Variants in RCSD1 observed in about 807,000 individuals in gnomAD.
The protein encoded by RCSD1 is RCSD domain containing 1, also known as capZ-interacting protein.
A neutral mutation model predicts 42.5 loss-of-function variants in RCSD1; 26 were observed. That is an observed-to-expected ratio of 0.61 (90% CI 0.45 to 0.85). RCSD1 has a LOEUF of 0.85. Ranked by LOEUF, RCSD1 falls within the 40% of genes least tolerant of loss-of-function variation. The pLI is 0.00. For missense variants in RCSD1, 571 were observed against 528.3 expected (o/e 1.08, Z -0.79); for synonymous variants, 220 against 212.2 (o/e 1.04, Z -0.32).
intron 1 of RCSD1, among the ~76,000 whole-genome samples, chr1:167,645,179 A>G (rs1658103632): frequency 6.6e-6 from 1 of 152,228 alleles, no homozygotes; most frequent in Admixed American, 6.5e-5. Flanking sequence ...AATGATTTAT[A>G]TAGGATGGGA....
chr1:167,694,024 A>G, intron 4 of RCSD1, 75 bp from the exon 5 acceptor site: 1 of 1,473,098 alleles, frequency 6.8e-7, no homozygotes, highest in South Asian at 1.2e-5. Flanking sequence ...CTGAGGCCAG[A>G]TAACCAACAA....
Position 167,694,300 on chromosome 1 carries a change from A to G in RCSD1, c.472A>G (p.Lys158Glu). The G allele has an allele frequency of 1.9e-6, 3 of 1,613,744 alleles. No individual in the cohort carries two copies. The highest frequency in any genetic ancestry group is 2.5e-6 in the Non-Finnish European group (3 of 1,179,822). The change falls in exon 5 of 7, where the codon AAG becomes GAG. Residue 158 changes from lysine to glutamate, a missense_variant and splice_region_variant. Transcript: ENST00000367854. ...PEGSHLPCYN[K>E]VRTRGSIKRR... ...AGGCAGTCATCTGCCCTGTTACAAC[A>G]AGGTAAATTCTAGCTCCAGATTATG...
intron 1 of RCSD1, among the ~76,000 whole-genome samples, chr1:167,679,177 C>A (rs1659022208): frequency 6.6e-6 from 1 of 152,202 alleles, no homozygotes; most frequent in South Asian, 2.1e-4. Context: ...GTGGAAAGAG[C>A]TTTGGAATCC....
intron 1 of RCSD1, chr1:167,638,257 G>C (rs893098037): frequency 2.0e-5 from 3 of 152,202 alleles, no homozygotes; most frequent in African/African-American, 7.2e-5. Flanking sequence ...CAGCCACACC[G>C]ATGTCAGTGT....
chr1:167,651,033 C>T (rs1180904519), intron 1 of RCSD1, among the ~76,000 whole-genome samples: 1 of 152,188 alleles, frequency 6.6e-6, no homozygotes, highest in African/African-American at 2.4e-5. Context: ...TGTGTCTTCA[C>T]GTGGTCTTCT....
At chr1:167,675,030 C>A (rs573914796) in intron 1 of RCSD1, among the ~76,000 whole-genome samples, 1 of 151,810 alleles carries the variant, frequency 6.6e-6, no homozygotes, top group African/African-American at 2.4e-5. Flanking sequence ...CACAGTGAAA[C>A]CCCATCTCTA....
intron 3 of RCSD1, among the ~76,000 whole-genome samples, chr1:167,689,587 T>C (rs1659325347): frequency 6.6e-6 from 1 of 152,156 alleles, no homozygotes; most frequent in Non-Finnish European, 1.5e-5. Context: ...TTCCAAAATA[T>C]CACTGGGTCC....
intron 1 of RCSD1, among the ~76,000 whole-genome samples, chr1:167,670,411 T>C (rs1157388429): frequency 2.0e-5 from 3 of 149,876 alleles, no homozygotes; most frequent in African/African-American, 7.4e-5. Context: ...ACTGACAAGG[T>C]TGAGTTTGAT....
chr1:167,691,431 A>G (rs918702988), intron 4 of RCSD1, among the ~76,000 whole-genome samples: 1 of 152,228 alleles, frequency 6.6e-6, no homozygotes, highest in Admixed American at 6.5e-5. Flanking sequence ...CCGTGGGGGA[A>G]TGGCAGAAGC....
rs1367682478 is a variant in RCSD1, at chr1:167,704,891, T to C, written c.*195T>C. Reference sequence around the variant, plus strand: ...CGTTCCCTTGCAGATGGAGACTGAATCTGAGGGCAGCAGACTTTTATCAGC... The same window carrying C: ...CGTTCCCTTGCAGATGGAGACTGAACCTGAGGGCAGCAGACTTTTATCAGC... On this transcript the variant is annotated 3_prime_UTR_variant, in exon 7 of 7. Coordinates refer to ENST00000367854, the MANE Select transcript of RCSD1 (RefSeq NM_052862.4). 1.8e-6 allele frequency: 1 copy of C among 556,634 alleles called. No homozygotes were observed. The highest frequency in any genetic ancestry group is 3.0e-5 in the Admixed American group (1 of 33,264). The allele number at this position is 556,634 out of a possible 1,614,324, so 34.5% of individuals were successfully genotyped here. A position where few individuals can be genotyped will look rare whatever the true frequency, so the allele number is the denominator to read the frequency against.
chr1:167,675,077 G>A (rs868140792), intron 1 of RCSD1, among the ~76,000 whole-genome samples: 26 of 151,960 alleles, frequency 1.7e-4, no homozygotes, highest in South Asian at 4.2e-4. Flanking sequence ...CTGGTGGCAC[G>A]TGCCTGTAGT....
intron 1 of RCSD1, among the ~76,000 whole-genome samples, chr1:167,636,504 A>G (rs555217929): frequency 3.7e-4 from 57 of 152,152 alleles, no homozygotes; most frequent in Non-Finnish European, 7.4e-4. Context: ...GGTAGCAATC[A>G]CTACTCTTTC....
rs557909611 is a variant in RCSD1 at position 167,698,328 on chromosome 1, G to A, written c.1218+486G>A. On this transcript the variant is annotated intron_variant, in intron 6 of 6. Coordinates refer to ENST00000367854, the MANE Select transcript of RCSD1 (RefSeq NM_052862.4). ...GCAGTGGACAGGGGGCATTCCCAGG[G>A]AAGCCCAAAGTGCAAGTGTAGCAGA... Among the ~76,000 whole-genome samples, 3 of 152,312 alleles carry A rather than the reference G, an allele frequency of 2.0e-5. No individual in the cohort carries two copies. In the East Asian group the frequency reaches 5.8e-4, roughly 29 times the overall value.
chr1:167,680,561 G>A (rs1447420659), intron 1 of RCSD1, among the ~76,000 whole-genome samples: 1 of 152,124 alleles, frequency 6.6e-6, no homozygotes, highest in Non-Finnish European at 1.5e-5. Flanking sequence ...GCTTACTGCA[G>A]CCTCGACCAA....
At chr1:167,695,305 T>C (rs1659471795) in intron 5 of RCSD1, among the ~76,000 whole-genome samples, 1 of 152,214 alleles carries the variant, frequency 6.6e-6, no homozygotes, top group Non-Finnish European at 1.5e-5. Flanking sequence ...CCTGGAGGCT[T>C]CAGCCTTCTG....
chr1:167,698,999 CG>C (rs1659577463), intron 6 of RCSD1, among the ~76,000 whole-genome samples: 2 of 152,006 alleles, frequency 1.3e-5, no homozygotes, highest in Admixed American at 1.3e-4. Context: ...CGGGTTTCAC[CG>C]TGTTAGCCAG....
chr1:167,652,184 G>C lies in RCSD1; in HGVS notation c.6+21755G>C, dbSNP rs575149565. ...TTACAGGCATGCACCACCATGCCCG[G>C]CTAATTTTTGTATTTTTAGTAGAGA... On this transcript the variant is annotated intron_variant, in intron 1 of 6. Transcript: ENST00000367854. 9.1e-4 allele frequency among the ~76,000 whole-genome samples: 138 copies of C among 152,150 alleles called. 1 individual carries two copies. The highest frequency in any genetic ancestry group is 3.2e-3 in the African/African-American group (134 of 41,498).
chr1:167,704,538 C>G, intron 6 of RCSD1, 126 bp from the exon 7 acceptor site: 1 of 798,800 alleles, frequency 1.3e-6, no homozygotes, highest in Non-Finnish European at 2.1e-6. Flanking sequence ...ATTCTTATGA[C>G]TATCATTCTT....
At chr1:167,648,540 G>T (rs1238364) in intron 1 of RCSD1, among the ~76,000 whole-genome samples, 121,474 of 152,154 alleles carry the variant, frequency 0.8, 48,698 homozygotes, top group African/African-American at 0.88. Flanking sequence ...TTCCTCCCAG[G>T]GTCTTCCAGC....
Sources: gnomAD v4.1 joint callset for allele counts (sites outside exome capture counted in the v4.1 genomes callset) on GRCh38, gnomAD v4.1.1 for gene constraint, MANE v1.5 for transcripts, NCBI Gene and HGNC (gene_info 2026-07-23, HGNC 2026-07-21) for gene names.